PRAG1: variants seen among roughly 807,000 people sequenced by gnomAD.
The protein encoded by PRAG1 is inactive tyrosine-protein kinase PRAG1.
Under a neutral mutation model 95.6 loss-of-function variants are expected in PRAG1, and 110 were observed. The ratio of observed to expected loss-of-function variants is 1.15; its 90% CI spans 0.99 to 1.35. The LOEUF (loss-of-function observed/expected upper bound fraction) is 1.35. PRAG1 is among the 40% of genes most tolerant of loss of function. PRAG1 has a pLI of 0.00. For synonymous variants in PRAG1, 1,052 were observed against 819.4 expected, an observed-to-expected ratio of 1.28 and a Z score of -4.85; for missense variants, 2,554 against 1,864.7, an observed-to-expected ratio of 1.37 and a Z score of -6.81.
Position 8,353,373 on chromosome 8 carries a change from G to A in PRAG1, c.2163-13738C>T, listed in dbSNP as rs1472336929. On this transcript the variant is annotated intron_variant, in intron 3 of 5. Coordinates refer to ENST00000615670, the MANE Select transcript of PRAG1 (RefSeq NM_001080826.3). ...TCTAGTATTGTTTCCAACCACAACA[G>A]TGTGAAATTAGAACACAATAATATG... 5.3e-5 allele frequency among the ~76,000 whole-genome samples: 8 copies of A among 152,060 alleles called. No individual in the cohort carries two copies. In the East Asian group the frequency reaches 1.5e-3, roughly 29 times the overall value.
At chr8:8,364,136 T>C (rs1791560931) in intron 3 of PRAG1, among the ~76,000 whole-genome samples, 1 of 152,220 alleles carries the variant, frequency 6.6e-6, no homozygotes, top group Admixed American at 6.5e-5. Context: ...GTCTCATACT[T>C]AATTTAACAG....
chr8:8,354,118 A>G (rs1053206964), intron 3 of PRAG1, among the ~76,000 whole-genome samples: 1 of 152,252 alleles, frequency 6.6e-6, no homozygotes, highest in East Asian at 1.9e-4. Context: ...CAGATGTCTC[A>G]GAAATAAAAA....
intron 1 of PRAG1, among the ~76,000 whole-genome samples, chr8:8,382,904 G>A (rs62497499): frequency 4.4e-4 from 67 of 152,132 alleles, no homozygotes; most frequent in Non-Finnish European, 8.4e-4. Flanking sequence ...CTTTGCAGGC[G>A]GCTCCTCCCT....
At chr8:8,349,690 G>C (rs535364487) in intron 3 of PRAG1, among the ~76,000 whole-genome samples, 1 of 152,046 alleles carries the variant, frequency 6.6e-6, no homozygotes, top group South Asian at 2.1e-4. Flanking sequence ...ATCTTCTCTG[G>C]GGGCATGTTT....
At chr8:8,357,830 C>T (rs1022976061) in intron 3 of PRAG1, among the ~76,000 whole-genome samples, 2 of 152,220 alleles carry the variant, frequency 1.3e-5, no homozygotes, top group Admixed American at 1.3e-4. Flanking sequence ...CAATATGGTT[C>T]TGTGAATGTA....
intron 3 of PRAG1, among the ~76,000 whole-genome samples, chr8:8,344,865 C>T (rs1364458541): frequency 1.3e-5 from 2 of 152,134 alleles, no homozygotes; most frequent in Non-Finnish European, 2.9e-5. Flanking sequence ...TTGGTTCCAC[C>T]ACAGAGCACC....
At chr8:8,350,826 G>C (rs1482826653) in intron 3 of PRAG1, among the ~76,000 whole-genome samples, 1 of 152,120 alleles carries the variant, frequency 6.6e-6, no homozygotes, top group African/African-American at 2.4e-5. Flanking sequence ...GCAGTTATTA[G>C]AAAGATTCAA....
intron 2 of PRAG1, among the ~76,000 whole-genome samples, 177 bp downstream of exon 2, chr8:8,381,241 G>C (rs1800632396): frequency 6.6e-6 from 1 of 152,224 alleles, no homozygotes; most frequent in African/African-American, 2.4e-5. Flanking sequence ...TAAAGGGACA[G>C]AGAGAAAGGA....
chr8:8,334,172 A>C (rs1335230628), intron 4 of PRAG1, among the ~76,000 whole-genome samples: 1 of 152,260 alleles, frequency 6.6e-6, no homozygotes, highest in African/African-American at 2.4e-5. Context: ...GGCCGGGCTC[A>C]GTGACTCATG....
At chr8:8,359,433 A>G (rs1799779386) in intron 3 of PRAG1, among the ~76,000 whole-genome samples, 1 of 152,216 alleles carries the variant, frequency 6.6e-6, no homozygotes, top group Non-Finnish European at 1.5e-5. Context: ...GTTTCTTTCT[A>G]TTGACCGGAC....
At chr8:8,347,819 T>G in intron 3 of PRAG1, among the ~76,000 whole-genome samples, 1 of 140,668 alleles carries the variant, frequency 7.1e-6, no homozygotes. Flanking sequence ...ATTCACATCT[T>G]TTTTTTTTAT....
In PRAG1 at chr8:8,318,569, T is replaced by C; in HGVS notation, c.3806A>G (p.Asn1269Ser). The C allele has an allele frequency of 1.9e-6, 3 of 1,612,724 alleles. No individual in the cohort carries two copies. Among genetic ancestry groups the C allele is most frequent in the Non-Finnish European group, 2.5e-6 (3 of 1,179,734 alleles). ...ILIYELLHQP[N>S]PFEVRAQLRE... ...CAGCTGGGCGCGCACCTCGAACGGG[T>C]TGGGTTGGTGCAGCAGCTCGTAGAT... The change falls in exon 6 of 6, where the codon AAC becomes AGC. Residue 1269 changes from asparagine to serine, a missense_variant. Asn to Ser is a conservative substitution (Grantham distance 46, BLOSUM62 1). Coordinates refer to ENST00000615670, the MANE Select transcript of PRAG1 (RefSeq NM_001080826.3). The surrounding 1 kb of genome is among the most constrained non-coding windows in gnomAD (Gnocchi z 4.2).
chr8:8,319,183 G>C lies in PRAG1; in HGVS notation c.3192C>G (p.Ser1064Arg). The C allele has an allele frequency of 6.2e-7, 1 of 1,602,124 alleles. No individual in the cohort carries two copies. Residue 1064 changes from serine to arginine, a missense_variant, in exon 6 of 6, where the codon AGC (serine) becomes AGG (arginine). Physicochemically the swap from Ser to Arg is moderately radical, Grantham distance 110. Transcript: ENST00000615670. ...FVASVPSSML[S>R]SPDAPKDPVP... is the part of the protein sequence containing the mutation. ...CAGGGTCCTTGGGCGCGTCGGGGGA[G>C]CTGAGCATGCTGGACGGCACCGAGG...
rs775420712 is a variant in PRAG1, at chr8:8,339,651, A to G, written c.2163-16T>C. 1.2e-6 allele frequency: 2 copies of G among 1,600,894 alleles called. No homozygotes were observed. The highest frequency in any genetic ancestry group is 1.1e-5 in the South Asian group (1 of 90,784). On this transcript the variant is annotated splice_polypyrimidine_tract_variant and intron_variant, in intron 3 of 5. Transcript: ENST00000615670. Reference sequence around the variant, plus strand: ...TAGAAGGTGCCTGGAAAAGGTAGGAACAAACAATACAAATAACTCATTGGA... The same window carrying G: ...TAGAAGGTGCCTGGAAAAGGTAGGAGCAAACAATACAAATAACTCATTGGA...
intron 5 of PRAG1, 82 bp from the exon 6 acceptor site, chr8:8,319,384 A>C: frequency 8.3e-7 from 1 of 1,208,786 alleles, no homozygotes; most frequent in Non-Finnish European, 1.1e-6. Context: ...TTGAGTATCT[A>C]CGTGCAATAA....
At chr8:8,325,057 T>C (rs1215849617) in intron 5 of PRAG1, among the ~76,000 whole-genome samples, 3 of 152,102 alleles carry the variant, frequency 2.0e-5, no homozygotes, top group African/African-American at 7.2e-5. Context: ...CGGCTCCCTG[T>C]TTAACATGTG....
At chr8:8,320,415 G>T (rs1379695395) in intron 5 of PRAG1, among the ~76,000 whole-genome samples, 2 of 152,132 alleles carry the variant, frequency 1.3e-5, no homozygotes, top group Admixed American at 6.5e-5. Flanking sequence ...ATTTCTTCTT[G>T]TACAAATGGC....
intron 3 of PRAG1, among the ~76,000 whole-genome samples, chr8:8,344,562 T>A (rs1799273340): frequency 6.6e-6 from 1 of 152,206 alleles, no homozygotes; most frequent in Non-Finnish European, 1.5e-5. Flanking sequence ...AGCAGTAACA[T>A]TTTATTTTTA....
chr8:8,340,213 T>C (rs1357464283), intron 3 of PRAG1, among the ~76,000 whole-genome samples: 1 of 152,252 alleles, frequency 6.6e-6, no homozygotes, highest in Non-Finnish European at 1.5e-5. Flanking sequence ...CAAATTGACA[T>C]AACCCTTATT....
Sources: gnomAD v4.1 joint callset for allele counts (sites outside exome capture counted in the v4.1 genomes callset) on GRCh38, gnomAD v4.1.1 for gene constraint, Gnocchi (gnomAD v3.1) non-coding constraint, MANE v1.5 for transcripts, NCBI Gene and HGNC (gene_info 2026-07-23, HGNC 2026-07-21) for gene names.